The following ERC2 variants were observed in gnomAD, a reference collection of about 807,000 sequenced individuals.
ERC2 encodes ERC protein 2.
A neutral mutation model predicts 114.8 loss-of-function variants in ERC2; 42 were observed. The observed-to-expected ratio is 0.37, with a 90% CI of 0.29 to 0.47. The LOEUF (loss-of-function observed/expected upper bound fraction) is 0.47, where lower values mean the gene tolerates loss of function less well. Among genes scored for constraint, ERC2 ranks in the 20% least tolerant of loss-of-function variants. The pLI is 0.99. For synonymous variants in ERC2, 454 were observed against 425.5 expected, an observed-to-expected ratio of 1.07 and a Z score of -0.82; for missense variants, 939 against 1,150.7, an observed-to-expected ratio of 0.82 and a Z score of 2.66.
chr3:56,296,757 A>G (rs1463954343), intron 2 of ERC2, among the ~76,000 whole-genome samples: 1 of 152,168 alleles, frequency 6.6e-6, no homozygotes, highest in Non-Finnish European at 1.5e-5. Context: ...GTTAGAAGGA[A>G]ACTTTCACAA....
At chr3:55,803,529 AT>A (rs575490425) in intron 14 of ERC2, among the ~76,000 whole-genome samples, 139 of 146,700 alleles carry the variant, frequency 9.5e-4, no homozygotes, top group South Asian at 2.0e-3. Context: ...GTTTCTGGTA[AT>A]TTTTTTTTTT....
chr3:55,820,138 G>A (rs1477445240), intron 14 of ERC2, among the ~76,000 whole-genome samples: 3 of 152,140 alleles, frequency 2.0e-5, no homozygotes, highest in Admixed American at 1.3e-4. Flanking sequence ...AGGTGTCCAC[G>A]TGGGGTCTAG....
intron 3 of ERC2, among the ~76,000 whole-genome samples, chr3:56,282,827 G>T (rs62253617): frequency 0.26 from 38,965 of 152,070 alleles, 5,825 homozygotes; most frequent in Non-Finnish European, 0.32. Context: ...AGGCATCTGT[G>T]ATTTCAGGAA....
rs147215544 is a variant in ERC2, at chr3:56,419,187, C to T, written c.657+15164G>A. On this transcript the variant is annotated intron_variant, in intron 2 of 17. Transcript: ENST00000288221. ...CATATAACTGGGAACATGATAGGTA[C>T]GTAATTAACCCTCACTTGATAATTC... 3.7e-4 allele frequency among the ~76,000 whole-genome samples: 56 copies of T among 151,772 alleles called. No individual in the cohort carries two copies. The East Asian group carries it at 0.01, about 28-fold the overall frequency.
intron 7 of ERC2, among the ~76,000 whole-genome samples, chr3:56,064,785 A>G (rs1012436314): frequency 1.3e-5 from 2 of 152,254 alleles, no homozygotes; most frequent in African/African-American, 4.8e-5. Context: ...GATCTACACC[A>G]GAGTTGAGCA....
chr3:55,668,690 T>C (rs1342528521), intron 17 of ERC2, among the ~76,000 whole-genome samples: 1 of 152,232 alleles, frequency 6.6e-6, no homozygotes, highest in African/African-American at 2.4e-5. Flanking sequence ...TGCCAGCCTG[T>C]TGAATCGCCC....
chr3:55,831,986 C>T (rs886156861), intron 14 of ERC2, among the ~76,000 whole-genome samples: 2 of 152,222 alleles, frequency 1.3e-5, no homozygotes, highest in Non-Finnish European at 2.9e-5. Context: ...CCTACGTCCA[C>T]GGAGTTTCAC....
chr3:56,215,647 T>C (rs2049411858), intron 3 of ERC2, among the ~76,000 whole-genome samples: 1 of 152,190 alleles, frequency 6.6e-6, no homozygotes. Flanking sequence ...GCAGACCTAA[T>C]AGACACCTAC....
chr3:56,272,021 T>C (rs1433484784), intron 3 of ERC2, among the ~76,000 whole-genome samples: 1 of 152,170 alleles, frequency 6.6e-6, no homozygotes, highest in Non-Finnish European at 1.5e-5. Flanking sequence ...TTATATATAA[T>C]CATAAAGTTT....
chr3:56,077,701 T>C (rs985111661), intron 7 of ERC2, among the ~76,000 whole-genome samples: 9 of 152,342 alleles, frequency 5.9e-5, no homozygotes, highest in African/African-American at 2.2e-4. Flanking sequence ...TCACACCTGG[T>C]GTCATCATCC....
intron 1 of ERC2, among the ~76,000 whole-genome samples, chr3:56,447,418 G>A (rs997562392): frequency 9.2e-5 from 14 of 152,214 alleles, no homozygotes; most frequent in African/African-American, 3.4e-4. Flanking sequence ...GCAGCGGGGA[G>A]GAGAGGAAAG....
At chr3:56,009,781 T>C (rs1003486443) in intron 9 of ERC2, among the ~76,000 whole-genome samples, 2 of 152,186 alleles carry the variant, frequency 1.3e-5, no homozygotes, top group Non-Finnish European at 2.9e-5. Flanking sequence ...AATGGGGGAA[T>C]AGCCCAAAGC....
At chr3:56,373,564 A>G (rs2059428704) in intron 2 of ERC2, among the ~76,000 whole-genome samples, 1 of 151,982 alleles carries the variant, frequency 6.6e-6, no homozygotes, top group Non-Finnish European at 1.5e-5. Flanking sequence ...ACCCCTCCCA[A>G]TTTCATGCTG....
At position 56,368,185 on chromosome 3, in the gene ERC2, T is replaced by TA. The variant is rs71294729; in HGVS notation, c.657+66165dup. 3.1e-3 allele frequency among the ~76,000 whole-genome samples: 430 copies of TA among 137,790 alleles called. 5 individuals are homozygous for TA. The highest frequency in any genetic ancestry group is 0.01 in the African/African-American group (365 of 34,924). The allele number at this position is 137,790 out of a possible 152,430, so 90.4% of individuals were successfully genotyped here. On this transcript the variant is annotated intron_variant, in intron 2 of 17. Coordinates refer to ENST00000288221, the MANE Select transcript of ERC2 (RefSeq NM_015576.3). ...AAAGTTGAAATTATTCTTTTTTTTTTAAAAAAAAAAAAAAAGCAAATGTAG... is the reference window on the plus strand; with the variant it reads ...AAAGTTGAAATTATTCTTTTTTTTTTAAAAAAAAAAAAAAAAGCAAATGTAG...
intron 7 of ERC2, among the ~76,000 whole-genome samples, chr3:56,059,006 T>A (rs1051391420): frequency 6.6e-6 from 1 of 152,122 alleles, no homozygotes; most frequent in Non-Finnish European, 1.5e-5. Flanking sequence ...AATGAGGGGA[T>A]CATAGAAAGC....
chr3:55,966,200 T>A (rs970251975), intron 12 of ERC2, among the ~76,000 whole-genome samples: 4 of 152,138 alleles, frequency 2.6e-5, no homozygotes, highest in Admixed American at 2.0e-4. Context: ...CCCTGGAACA[T>A]AAGCCTTCCC....
intron 4 of ERC2, among the ~76,000 whole-genome samples, chr3:56,167,134 C>T (rs2082361994): frequency 1.3e-5 from 2 of 152,132 alleles, no homozygotes; most frequent in South Asian, 4.1e-4. Flanking sequence ...ATGCTACCTT[C>T]TCCAAAAAGC....
chr3:56,274,347 G>C (rs558526655), intron 3 of ERC2, among the ~76,000 whole-genome samples: 1 of 152,274 alleles, frequency 6.6e-6, no homozygotes, highest in Non-Finnish European at 1.5e-5. Flanking sequence ...CACTAAACAA[G>C]TTCCCGATGC....
At chr3:56,346,211 A>C (rs117606737) in intron 2 of ERC2, among the ~76,000 whole-genome samples, 3,429 of 152,334 alleles carry the variant, frequency 0.023, 43 homozygotes, top group South Asian at 0.071. Context: ...GCTGCCCTTT[A>C]TGAATTTGCT....
Sources: allele counts gnomAD v4.1 joint callset (sites outside exome capture counted in the v4.1 genomes callset), GRCh38; gene constraint gnomAD v4.1.1; transcripts MANE v1.5; gene names NCBI Gene and HGNC (gene_info 2026-07-23, HGNC 2026-07-21).